The following SEM1 variants were observed in gnomAD, a reference collection of about 807,000 sequenced individuals.
The protein encoded by SEM1 is 26S proteasome complex subunit SEM1.
In SEM1, 3 loss-of-function variants were observed where a neutral mutation model predicts 12.7. The ratio of observed to expected loss-of-function variants is 0.24; its 90% CI spans 0.11 to 0.61. The LOEUF (loss-of-function observed/expected upper bound fraction) is 0.61, where lower values mean the gene tolerates loss of function less well. Among genes scored for constraint, SEM1 ranks in the 20% least tolerant of loss-of-function variants. SEM1 has a pLI of 0.88. For synonymous variants in SEM1, 30 were observed against 27.8 expected (o/e 1.08, Z -0.25); for missense variants, 59 against 81.3 (o/e 0.73, Z 1.06).
chr7:96,563,630 A>T (rs991200249), intron 2 of SEM1, among the ~76,000 whole-genome samples: 3 of 152,242 alleles, frequency 2.0e-5, no homozygotes, highest in Non-Finnish European at 4.4e-5. Context: ...TTAATGATGG[A>T]CCATGGAATA....
At chr7:96,550,666 C>T (rs1805240366) in intron 2 of SEM1, among the ~76,000 whole-genome samples, 1 of 152,062 alleles carries the variant, frequency 6.6e-6, no homozygotes, top group Admixed American at 6.6e-5. Context: ...TAGAGTAGCT[C>T]CAGATTATCC....
chr7:96,490,605 AG>A (rs1258999091), intron 1 of SEM1, among the ~76,000 whole-genome samples: 1 of 152,190 alleles, frequency 6.6e-6, no homozygotes, highest in Non-Finnish European at 1.5e-5. Flanking sequence ...GATATAAAGC[AG>A]GAGGCAGGAT....
chr7:96,496,390 G>T, upstream of SEM1: 2 of 909,318 alleles, frequency 2.2e-6, no homozygotes, highest in Non-Finnish European at 1.7e-6. Context: ...AGAGTGTAAA[G>T]CCAAACTTCA....
At chr7:96,571,958 C>T (rs955121599) in intron 2 of SEM1, among the ~76,000 whole-genome samples, 3 of 152,074 alleles carry the variant, frequency 2.0e-5, no homozygotes, top group African/African-American at 7.2e-5. Flanking sequence ...GCCTCAATTT[C>T]AGAACTTGTT....
intron 3 of SEM1, chr7:96,503,461 G>C (rs921403450): frequency 6.6e-6 from 1 of 152,076 alleles, no homozygotes; most frequent in Admixed American, 6.6e-5. Context: ...AGGAGAAAAA[G>C]GATTAGTCTA....
chr7:96,694,914 T>C (rs749002466), intron 1 of SEM1, 23 bp from the exon 2 acceptor site: 2 of 1,493,612 alleles, frequency 1.3e-6, no homozygotes, highest in Non-Finnish European at 1.9e-6. Context: ...ACAGATGCTG[T>C]CTAAATATTT....
rs868287755 is a variant in SEM1, at chr7:96,632,793, T to G, written c.171-10150A>C. Reference sequence around the variant, plus strand: ...TTTTTTGTTGTTTTTTGTTTTTTTTTTTTTTTTGGCAGACAGTTGTTAGAT... The same window carrying G: ...TTTTTTGTTGTTTTTTGTTTTTTTTGTTTTTTTGGCAGACAGTTGTTAGAT... On this transcript the variant is annotated intron_variant, in intron 2 of 2. Coordinates refer to the SEM1 transcript ENST00000417009. Among the ~76,000 whole-genome samples, 1,458 of 150,348 alleles carry G rather than the reference T, an allele frequency of 9.7e-3. 16 individuals carry two copies. Among genetic ancestry groups the G allele is most frequent in the Middle Eastern group, 0.017 (5 of 294 alleles).
chr7:96,638,032 T>C (rs1203081551), intron 2 of SEM1, among the ~76,000 whole-genome samples: 1 of 152,060 alleles, frequency 6.6e-6, no homozygotes, highest in Non-Finnish European at 1.5e-5. Context: ...TAGCAGATGA[T>C]GCCTGCACTT....
chr7:96,581,306 C>A (rs769615756), intron 2 of SEM1, among the ~76,000 whole-genome samples: 9 of 152,136 alleles, frequency 5.9e-5, no homozygotes, highest in Non-Finnish European at 8.8e-5. Flanking sequence ...TTTCTGAGGG[C>A]TCTGTCCTGT....
Position 96,544,438 on chromosome 7 carries a change from G to A in SEM1, c.171-37740C>T, listed in dbSNP as rs77157938. Among the ~76,000 whole-genome samples, 519 of 152,020 alleles carry A rather than the reference G, an allele frequency of 3.4e-3. 1 individual carries two copies. Among genetic ancestry groups the A allele is most frequent in the African/African-American group, 0.012 (493 of 41,514 alleles). ...ATTATAAAGCGCTATAGAGAAATAA[G>A]CTATTGCTTAAATAACATATCTTTG... On this transcript the variant is annotated intron_variant and NMD_transcript_variant, in intron 2 of 3. Transcript: ENST00000466986.
At chr7:96,516,348 G>A (rs1256820940) in intron 2 of SEM1, among the ~76,000 whole-genome samples, 1 of 152,106 alleles carries the variant, frequency 6.6e-6, no homozygotes, top group African/African-American at 2.4e-5. Context: ...TGATAAAAGA[G>A]TGTTATCCAA....
At chr7:96,567,901 ATGAC>A (rs1229433485) in intron 2 of SEM1, among the ~76,000 whole-genome samples, 2 of 151,258 alleles carry the variant, frequency 1.3e-5, no homozygotes, top group South Asian at 2.1e-4. Context: ...TATTCACAAA[ATGAC>A]TGATACACAC....
intron 1 of SEM1, among the ~76,000 whole-genome samples, chr7:96,494,782 T>C: frequency 6.6e-6 from 1 of 150,706 alleles, no homozygotes; most frequent in Non-Finnish European, 1.5e-5. Flanking sequence ...AAGAATATTT[T>C]AATGATATTT....
At chr7:96,564,190 T>C (rs902634889) in intron 2 of SEM1, among the ~76,000 whole-genome samples, 1 of 152,114 alleles carries the variant, frequency 6.6e-6, no homozygotes, top group Non-Finnish European at 1.5e-5. Flanking sequence ...TTGAGTCGAT[T>C]TTGATGATTT....
At chr7:96,499,749 C>T (rs762741058), upstream of SEM1, among the ~76,000 whole-genome samples, 4 of 152,242 alleles carry the variant, frequency 2.6e-5, no homozygotes, top group Admixed American at 1.3e-4. Flanking sequence ...AACATTTGAT[C>T]GGATTGTGGC....
At chr7:96,511,757 T>C (rs1803941602) in intron 2 of SEM1, among the ~76,000 whole-genome samples, 1 of 152,078 alleles carries the variant, frequency 6.6e-6, no homozygotes, top group Non-Finnish European at 1.5e-5. Flanking sequence ...AAATGGACAT[T>C]ACTTTTTTTT....
intron 1 of SEM1, among the ~76,000 whole-genome samples, chr7:96,494,304 C>T (rs1020845688): frequency 4.6e-5 from 7 of 152,102 alleles, no homozygotes; most frequent in African/African-American, 1.7e-4. Flanking sequence ...ATAAGTGTTC[C>T]TGCTCTTCTC....
chr7:96,602,754 T>C (rs915982978), intron 2 of SEM1, among the ~76,000 whole-genome samples: 3 of 152,230 alleles, frequency 2.0e-5, no homozygotes, highest in Admixed American at 6.5e-5. Context: ...GTACTGAGAA[T>C]GACAAATAAA....
chr7:96,662,183 A>C (rs1563102778), intron 2 of SEM1, among the ~76,000 whole-genome samples: 1 of 152,248 alleles, frequency 6.6e-6, no homozygotes, highest in East Asian at 1.9e-4. Context: ...CATATACCCA[A>C]AGGATTATAA....
Sources: allele counts gnomAD v4.1 joint callset (sites outside exome capture counted in the v4.1 genomes callset), GRCh38; gene constraint gnomAD v4.1.1; transcripts MANE v1.5; gene names NCBI Gene and HGNC (gene_info 2026-07-23, HGNC 2026-07-21).